CCDC170: variants seen among roughly 807,000 people sequenced by gnomAD.
CCDC170 encodes the protein coiled-coil domain-containing protein 170.
CCDC170 carries 69 observed loss-of-function variants against 72.6 expected under a neutral mutation model. That is an observed-to-expected ratio of 0.95 (90% CI 0.78 to 1.16). The LOEUF (loss-of-function observed/expected upper bound fraction) is 1.16. CCDC170 is among the 50% of genes most tolerant of loss of function. The pLI, the probability that CCDC170 is intolerant of heterozygous loss-of-function variation, is 0.00. For synonymous variants in CCDC170, 300 were observed against 303.9 expected (o/e 0.99, Z 0.13); for missense variants, 852 against 832.5 (o/e 1.02, Z -0.29).
chr6:151,593,074 A>G, intron 7 of CCDC170, 33 bp from the exon 8 acceptor site: 1 of 1,609,596 alleles, frequency 6.2e-7, no homozygotes, highest in Non-Finnish European at 8.5e-7. Context: ...TTTGACTTTC[A>G]TGTCCCATTT....
At chr6:151,588,718 A>C (rs1050811263) in intron 7 of CCDC170, among the ~76,000 whole-genome samples, 1 of 152,168 alleles carries the variant, frequency 6.6e-6, no homozygotes, top group Non-Finnish European at 1.5e-5. Flanking sequence ...AGGCAGGTGG[A>C]TCGCTTGAGC....
At chr6:151,541,812 A>AAT (rs567973837) in intron 3 of CCDC170, among the ~76,000 whole-genome samples, 2 of 147,354 alleles carry the variant, frequency 1.4e-5, no homozygotes, top group African/African-American at 2.5e-5. Context: ...ATATGTTCTA[A>AAT]ATATATATAT....
At chr6:151,499,462 A>C (rs1781959718) in intron 1 of CCDC170, among the ~76,000 whole-genome samples, 1 of 145,620 alleles carries the variant, frequency 6.9e-6, no homozygotes, top group African/African-American at 2.7e-5. Flanking sequence ...ACGCTGTATA[A>C]GTGGAATCAG....
At chr6:151,514,858 C>A (rs556262049) in intron 1 of CCDC170, among the ~76,000 whole-genome samples, 38 of 152,252 alleles carry the variant, frequency 2.5e-4, no homozygotes, top group Non-Finnish European at 4.1e-4. Flanking sequence ...GAAGCCTTGG[C>A]AGAACCATTC....
chr6:151,530,152 T>C (rs1225807588), intron 1 of CCDC170, among the ~76,000 whole-genome samples: 1 of 152,138 alleles, frequency 6.6e-6, no homozygotes, highest in East Asian at 1.9e-4. Flanking sequence ...TTTTGAACTC[T>C]AGTTGTTTTA....
chr6:151,558,234 T>G (rs1450310536), intron 5 of CCDC170, among the ~76,000 whole-genome samples: 18 of 28,058 alleles, frequency 6.4e-4, no homozygotes, highest in African/African-American at 1.3e-3. Context: ...AGATTAGTGT[T>G]TTTTTTTTTT....
rs145358879 is a variant in CCDC170 at position 151,525,777 on chromosome 6, C to A, written c.58-10541C>A. On this transcript the variant is annotated intron_variant, in intron 1 of 10. Transcript: ENST00000239374. ...CAGATGTGCATGACACTATAGTTAA[C>A]TAATTCATGTATTGATGGACACTTA... Among the ~76,000 whole-genome samples, 256 of 152,266 alleles carry A rather than the reference C, an allele frequency of 1.7e-3. 2 individuals carry two copies. The East Asian group carries it at 0.04, about 24-fold the overall frequency.
chr6:151,576,226 C>A (rs533321951), intron 6 of CCDC170, among the ~76,000 whole-genome samples: 1 of 152,024 alleles, frequency 6.6e-6, no homozygotes, highest in South Asian at 2.1e-4. Context: ...GATGATTTTG[C>A]CCAAATATAG....
At chr6:151,525,524 T>G (rs1562271213) in intron 1 of CCDC170, among the ~76,000 whole-genome samples, 2 of 152,094 alleles carry the variant, frequency 1.3e-5, no homozygotes, top group Non-Finnish European at 2.9e-5. Context: ...TCCCCACCCT[T>G]AAGAAGGTAC....
chr6:151,509,246 C>CTATT (rs1782112581), intron 1 of CCDC170, among the ~76,000 whole-genome samples: 1 of 151,042 alleles, frequency 6.6e-6, no homozygotes, highest in Non-Finnish European at 1.5e-5. Flanking sequence ...ATCTATCTAT[C>CTATT]TATCTATCTA....
At chr6:151,592,977 C>A in intron 7 of CCDC170, 130 bp from the exon 8 acceptor site, 1 of 945,048 alleles carries the variant, frequency 1.1e-6, no homozygotes, top group South Asian at 1.6e-5. Context: ...GGTCAGAGTC[C>A]GTGCTCCGTT....
chr6:151,598,618 G>C (rs1308095637), intron 9 of CCDC170, among the ~76,000 whole-genome samples: 1 of 152,160 alleles, frequency 6.6e-6, no homozygotes, highest in African/African-American at 2.4e-5. Context: ...AGATTCAGGG[G>C]CAGCATGAGG....
intron 1 of CCDC170, among the ~76,000 whole-genome samples, chr6:151,529,813 T>C (rs1422126555): frequency 3.9e-5 from 6 of 152,126 alleles, no homozygotes; most frequent in Admixed American, 3.9e-4. Context: ...ACAGACTGAG[T>C]AATTTATGAG....
chr6:151,527,643 G>C (rs1327293587), intron 1 of CCDC170, among the ~76,000 whole-genome samples: 1 of 152,112 alleles, frequency 6.6e-6, no homozygotes, highest in Non-Finnish European at 1.5e-5. Flanking sequence ...TGCTTACTGG[G>C]CACCACTGGA....
Position 151,494,735 on chromosome 6 carries a change from A to G in CCDC170, c.57+550A>G, listed in dbSNP as rs528414996. ...ATTAGATGTACCAATGCGCGCGCGC[A>G]CACACACACGAACATGCGCGCATAC... is the stretch of plus-strand genomic sequence containing the variant. On this transcript the variant is annotated intron_variant, in intron 1 of 10. Coordinates refer to ENST00000239374, the MANE Select transcript of CCDC170 (RefSeq NM_025059.4). Among the ~76,000 whole-genome samples the G allele has an allele frequency of 3.1e-3, 479 of 152,308 alleles. 2 individuals carry two copies. The highest frequency in any genetic ancestry group is 0.011 in the South Asian group (55 of 4,830).
intron 1 of CCDC170, among the ~76,000 whole-genome samples, chr6:151,498,210 T>C (rs1323156214): frequency 6.6e-6 from 1 of 152,128 alleles, no homozygotes; most frequent in Non-Finnish European, 1.5e-5. Flanking sequence ...TTCCTTTCTG[T>C]AAAACAAGGG....
At chr6:151,517,312 A>G (rs1055848474) in intron 1 of CCDC170, among the ~76,000 whole-genome samples, 1 of 152,206 alleles carries the variant, frequency 6.6e-6, no homozygotes, top group African/African-American at 2.4e-5. Flanking sequence ...ATCCTGGGCA[A>G]CAAGAGTGAG....
chr6:151,557,734 A>G (rs1014325477), intron 5 of CCDC170, among the ~76,000 whole-genome samples: 2 of 152,128 alleles, frequency 1.3e-5, no homozygotes, highest in African/African-American at 4.8e-5. Context: ...TGTCTTTTTA[A>G]TAATAGCCAT....
intron 1 of CCDC170, among the ~76,000 whole-genome samples, chr6:151,534,067 C>CATT (rs567950363): frequency 8.2e-6 from 1 of 122,608 alleles, no homozygotes; most frequent in African/African-American, 2.6e-5. Flanking sequence ...TTCATTCATT[C>CATT]CTTTTTTTTT....
Sources: allele counts gnomAD v4.1 joint callset (sites outside exome capture counted in the v4.1 genomes callset), GRCh38; gene constraint gnomAD v4.1.1; transcripts MANE v1.5; gene names NCBI Gene and HGNC (gene_info 2026-07-23, HGNC 2026-07-21).